The following AGO2 variants were observed in gnomAD, a reference collection of about 807,000 sequenced individuals.
AGO2 encodes the protein protein argonaute-2.
Under a neutral mutation model 102.3 loss-of-function variants are expected in AGO2, and 5 were observed. The observed-to-expected ratio is 0.05, with a 90% confidence interval of 0.03 to 0.10. AGO2 has a LOEUF of 0.10. Ranked by LOEUF, AGO2 falls within the 10% of genes least tolerant of loss-of-function variation. The pLI, the probability that AGO2 is intolerant of heterozygous loss-of-function variation, is 1.00. For synonymous variants in AGO2, 449 were observed against 473.1 expected, an observed-to-expected ratio of 0.95 and a Z score of 0.66; for missense variants, 541 against 1,183.7, an observed-to-expected ratio of 0.46 and a Z score of 7.97.
At chr8:140,571,540 C>T (rs1218913364) in intron 3 of AGO2, among the ~76,000 whole-genome samples, 1 of 152,178 alleles carries the variant, frequency 6.6e-6, no homozygotes, top group Non-Finnish European at 1.5e-5. Flanking sequence ...GAGAGAGCTG[C>T]TTGCAGGCCA....
At chr8:140,534,065 C>T (rs1025828982) in intron 17 of AGO2, among the ~76,000 whole-genome samples, 1 of 152,192 alleles carries the variant, frequency 6.6e-6, no homozygotes, top group Non-Finnish European at 1.5e-5. Context: ...TGTGTCTAGC[C>T]CTGTGCCGAG....
In AGO2 at chr8:140,534,440, A is replaced by G. The variant is rs112215266; in HGVS notation, c.2271+1028T>C. ...CCATCTCACCAGCCCTGGCAAAGCA[A>G]GCCAACACTGGGACAGGCACTTTGC... On this transcript the variant is annotated intron_variant, in intron 17 of 18. Coordinates refer to ENST00000220592, the MANE Select transcript of AGO2 (RefSeq NM_012154.5). Among the ~76,000 whole-genome samples the G allele has an allele frequency of 6.0e-3, 914 of 152,312 alleles. 3 individuals carry two copies. Among genetic ancestry groups the G allele is most frequent in the Middle Eastern group, 0.02 (6 of 294 alleles).
chr8:140,580,668 G>T (rs1588475952), intron 2 of AGO2, among the ~76,000 whole-genome samples: 1 of 152,350 alleles, frequency 6.6e-6, no homozygotes, highest in Admixed American at 6.5e-5. Flanking sequence ...GTGAGCGGGG[G>T]GTCTCAGGAA....
rs140559105 is a variant in AGO2 at position 140,571,962 on chromosome 8, G to C, written c.336+850C>G. ...CTGGCCAGGCTGGTCTCGAACTCCT[G>C]ATCTTGTGATCCGCCCACCTCGGCC... On this transcript the variant is annotated intron_variant, in intron 3 of 18. Transcript: ENST00000220592. Among the ~76,000 whole-genome samples the C allele has an allele frequency of 9.7e-3, 1,477 of 152,220 alleles. 25 individuals are homozygous for C. The highest frequency in any genetic ancestry group is 0.032 in the African/African-American group (1,323 of 41,522).
At position 140,526,991 on chromosome 8, in the gene AGO2, A is replaced by C. The variant is rs1203282243; in HGVS notation, c.*5053T>G. The C allele has an allele frequency of 6.6e-6, 1 of 152,192 alleles. No homozygotes were observed. The highest frequency in any genetic ancestry group is 1.5e-5 in the Non-Finnish European group (1 of 68,024). The allele number at this position is 152,192 out of a possible 1,614,324, so 9.4% of individuals were successfully genotyped here. A position where few individuals can be genotyped will look rare whatever the true frequency, so the allele number is the denominator to read the frequency against. On this transcript the variant is annotated 3_prime_UTR_variant, in exon 19 of 19. Transcript: ENST00000220592. The surrounding 1 kb of genome is among the most constrained non-coding windows in gnomAD (Gnocchi z 5.2). ...AAGATGACTCTGACCACAGAGATGC[A>C]AGGAGGCCCTTGCGTCCTAGTAGCA...
chr8:140,565,503 A>G lies in AGO2; in HGVS notation c.337-2869T>C, dbSNP rs559731828. Among the ~76,000 whole-genome samples the G allele has an allele frequency of 7.3e-4, 108 of 148,076 alleles. 1 individual carries two copies. The highest frequency in any genetic ancestry group is 1.3e-3 in the Non-Finnish European group (87 of 66,920). On this transcript the variant is annotated intron_variant, in intron 3 of 18. Transcript: ENST00000220592. The stretch of plus-strand genomic sequence containing the variant: ...AAAAAAATACAAAAATTAGTCGGGT[A>G]TGGTGGTGGGCGCCTTAATCCCAGC...
chr8:140,532,980 A>G lies in AGO2; in HGVS notation c.2272-365T>C, dbSNP rs1467902622. On this transcript the variant is annotated intron_variant, in intron 17 of 18. Transcript: ENST00000220592. ...GCCACTGCACTCCAGCCTGGGCAAC[A>G]GAGAGAGACTCCTCTGTCTCAAAAA... Among the ~76,000 whole-genome samples, 5 of 150,068 alleles carry G rather than the reference A, an allele frequency of 3.3e-5. No homozygotes were observed. The East Asian group carries it at 9.9e-4, about 30-fold the overall frequency.
intron 14 of AGO2, among the ~76,000 whole-genome samples, chr8:140,542,899 GAGGTTGAAGC>G (rs898448991): frequency 1.3e-5 from 2 of 152,254 alleles, no homozygotes; most frequent in Non-Finnish European, 2.9e-5. Flanking sequence ...AGCACTTTGG[GAGGTTGAAGC>G]AGGTGGATCA....
intron 16 of AGO2, among the ~76,000 whole-genome samples, chr8:140,536,690 C>A (rs1158513746): frequency 6.6e-6 from 1 of 152,154 alleles, no homozygotes; most frequent in Non-Finnish European, 1.5e-5. Context: ...TCAGTTTCTA[C>A]CTCAATTATT....
chr8:140,570,648 C>A (rs908888190), intron 3 of AGO2, among the ~76,000 whole-genome samples: 1 of 152,144 alleles, frequency 6.6e-6, no homozygotes, highest in Admixed American at 6.5e-5. Context: ...AGGCACCGGA[C>A]GGGGATGTAC....
rs34314813 is a variant in AGO2, at chr8:140,540,365, C to T, written c.2034+799G>A. Among the ~76,000 whole-genome samples the T allele has an allele frequency of 0.13, 20,333 of 152,166 alleles. 1,753 individuals are homozygous for T. The highest frequency in any genetic ancestry group is 0.21 in the East Asian group (1,069 of 5,148). On this transcript the variant is annotated intron_variant, in intron 15 of 18. Coordinates refer to ENST00000220592, the MANE Select transcript of AGO2 (RefSeq NM_012154.5). This position sits in a 1 kb window ranked among gnomAD's most constrained non-coding sequence, Gnocchi z 5.0. Reference sequence around the variant, plus strand: ...TCCCACCCCACTGGGTGGGGCTCCTCCCCCAACATGCCTGGGGCCGCTTTC... The same window carrying T: ...TCCCACCCCACTGGGTGGGGCTCCTTCCCCAACATGCCTGGGGCCGCTTTC...
At position 140,547,639 on chromosome 8, in the gene AGO2, G is replaced by T; in HGVS notation, c.1589-12C>A. ...GCGCTTGACCTCGGCTAAGGGACAT[G>T]AGAGGCACACACAGCTCTGCCGGCG... On this transcript the variant is annotated splice_polypyrimidine_tract_variant and intron_variant, in intron 12 of 18. Transcript: ENST00000220592. 6.2e-7 allele frequency: 1 copy of T among 1,608,148 alleles called. No individual in the cohort carries two copies.
intron 1 of AGO2, among the ~76,000 whole-genome samples, chr8:140,598,544 C>T (rs752877817): frequency 5.9e-5 from 9 of 152,234 alleles, no homozygotes; most frequent in Non-Finnish European, 8.8e-5. Flanking sequence ...GCCGTAGGAT[C>T]ACCGGTCCAC....
At chr8:140,556,319 G>A (rs2073093577) in intron 8 of AGO2, 33 bp from the exon 9 acceptor site, 3 of 1,611,832 alleles carry the variant, frequency 1.9e-6, no homozygotes, top group African/African-American at 1.3e-5. Flanking sequence ...GGCCGTCAGT[G>A]CCGCACTGGA....
In AGO2 at chr8:140,559,435, C is replaced by A; in HGVS notation, c.750G>T (p.Leu250=). 1 of 1,614,236 alleles carries A rather than the reference C, an allele frequency of 6.2e-7. No individual in the cohort carries two copies. The highest frequency in any genetic ancestry group is 1.1e-5 in the South Asian group (1 of 91,074). The change falls in exon 6 of 19, where the codon CTG becomes CTT. Residue 250 remains leucine, a synonymous_variant. Transcript: ENST00000220592. ...FKSIEEQQKP[L]TDSQRVKFTK... ...TAAACTTTACCCTTTGGGAATCTGT[C>A]AGAGGTTTTTGTTGTTCTTCAATAC...
At chr8:140,618,111 GGCCAACACGGTGAAACCCT>G (rs912822644) in intron 1 of AGO2, among the ~76,000 whole-genome samples, 1 of 152,000 alleles carries the variant, frequency 6.6e-6, no homozygotes, top group Non-Finnish European at 1.5e-5. Flanking sequence ...AGACCAGCCT[GGCCAACACGGTGAAACCCT>G]GCCAACACGG....
intron 1 of AGO2, among the ~76,000 whole-genome samples, chr8:140,617,213 C>T (rs1007004649): frequency 6.6e-6 from 1 of 152,094 alleles, no homozygotes; most frequent in Non-Finnish European, 1.5e-5. Flanking sequence ...ACCAGGCTCT[C>T]GGGCGCATTG....
chr8:140,548,438 G>A (rs1288019389), intron 12 of AGO2, among the ~76,000 whole-genome samples: 1 of 152,108 alleles, frequency 6.6e-6, no homozygotes, highest in Admixed American at 6.6e-5. Context: ...ATCCTTGGCA[G>A]ATGTAGACCT....
chr8:140,632,490 C>T (rs1031609568), intron 1 of AGO2, among the ~76,000 whole-genome samples: 1 of 152,224 alleles, frequency 6.6e-6, no homozygotes, highest in Admixed American at 6.5e-5. Flanking sequence ...CCTATTTAGA[C>T]AACTGTCAAG....
Sources: allele counts gnomAD v4.1 joint callset (sites outside exome capture counted in the v4.1 genomes callset), GRCh38; gene constraint gnomAD v4.1.1; non-coding constraint Gnocchi (gnomAD v3.1); transcripts MANE v1.5; gene names NCBI Gene and HGNC (gene_info 2026-07-23, HGNC 2026-07-21).